The following L3MBTL3 variants were observed in gnomAD, a reference collection of about 807,000 sequenced individuals.
L3MBTL3 encodes L3MBTL histone methyl-lysine binding protein 3, also known as lethal(3)malignant brain tumor-like protein 3.
In L3MBTL3, 27 loss-of-function variants were observed where a neutral mutation model predicts 102.3. That is an observed-to-expected ratio of 0.26 (90% CI 0.19 to 0.36). The LOEUF is 0.36. Among genes scored for constraint, L3MBTL3 ranks in the 10% least tolerant of loss-of-function variants. L3MBTL3 has a pLI of 1.00. For synonymous variants in L3MBTL3, 340 were observed against 320.9 expected, an observed-to-expected ratio of 1.06 and a Z score of -0.64; for missense variants, 798 against 955.3, an observed-to-expected ratio of 0.84 and a Z score of 2.17.
chr6:130,019,293 C>A, intron 1 of L3MBTL3: 1 of 132,434 alleles, frequency 7.6e-6, no homozygotes, highest in South Asian at 2.4e-4. Flanking sequence ...GCGCGGCCGC[C>A]GAGGCGGGGG....
At chr6:130,048,863 G>A (rs1178906499) in intron 3 of L3MBTL3, among the ~76,000 whole-genome samples, 1 of 151,664 alleles carries the variant, frequency 6.6e-6, no homozygotes, top group East Asian at 1.9e-4. Flanking sequence ...TGATTCCTGG[G>A]AAAAGAGTAA....
At chr6:130,056,497 T>C (rs1781520207) in intron 8 of L3MBTL3, among the ~76,000 whole-genome samples, 1 of 152,164 alleles carries the variant, frequency 6.6e-6, no homozygotes, top group Non-Finnish European at 1.5e-5. Flanking sequence ...CCGGGGTGCA[T>C]TCTAGCCTTG....
chr6:130,049,703 G>A (rs751039906), intron 4 of L3MBTL3, 53 bp from the exon 5 acceptor site: 13 of 1,610,522 alleles, frequency 8.1e-6, no homozygotes, highest in South Asian at 4.4e-5. Flanking sequence ...CATCTACTCC[G>A]ATGGTTGTAA....
chr6:130,048,967 C>CACACACACATAT (rs71678245), intron 3 of L3MBTL3, among the ~76,000 whole-genome samples: 1 of 150,454 alleles, frequency 6.6e-6, no homozygotes, highest in South Asian at 2.1e-4. Context: ...CACACACACA[C>CACACACACATAT]ACATACACAC....
rs920598535 is a variant in L3MBTL3 at position 130,066,472 on chromosome 6, A to G, written c.984A>G (p.Lys328=). The change falls in exon 11 of 23, where the codon AAA becomes AAG. Residue 328 remains lysine (K), a synonymous_variant. Coordinates refer to ENST00000361794, the MANE Select transcript of L3MBTL3 (RefSeq NM_032438.4). ...PVGWCEKTGH[K]LHPPKGYKEE... ...GGTGGTGTGAGAAAACCGGCCACAA[A>G]CTCCATCCTCCAAAAGGTTTTGTCA... 6.2e-7 allele frequency: 1 copy of G among 1,609,902 alleles called. No individual in the cohort carries two copies. Among genetic ancestry groups the G allele is most frequent in the South Asian group, 1.1e-5 (1 of 90,198 alleles).
chr6:130,105,126 A>G (rs1018888214), intron 19 of L3MBTL3, among the ~76,000 whole-genome samples: 1 of 152,242 alleles, frequency 6.6e-6, no homozygotes, highest in Non-Finnish European at 1.5e-5. Context: ...TCTTTAAGCA[A>G]GTGATCCATT....
At chr6:130,087,006 T>A (rs1562298818) in intron 16 of L3MBTL3, among the ~76,000 whole-genome samples, 1 of 152,212 alleles carries the variant, frequency 6.6e-6, no homozygotes, top group Non-Finnish European at 1.5e-5. Flanking sequence ...GTATACATTG[T>A]TATCACTTTT....
intron 8 of L3MBTL3, among the ~76,000 whole-genome samples, chr6:130,055,700 TTCTCTCTC>T (rs371510182): frequency 1.5e-5 from 2 of 132,188 alleles, no homozygotes; most frequent in African/African-American, 2.8e-5. Context: ...CCCTCTCTCT[TTCTCTCTC>T]TCTCTCTCTC....
intron 18 of L3MBTL3, among the ~76,000 whole-genome samples, chr6:130,101,824 C>T (rs1196999743): frequency 6.6e-5 from 10 of 152,158 alleles, no homozygotes; most frequent in East Asian, 3.9e-4. Flanking sequence ...CACCTGCATC[C>T]ATGAACTCTG....
intron 18 of L3MBTL3, among the ~76,000 whole-genome samples, chr6:130,104,161 C>T (rs982209633): frequency 1.3e-5 from 2 of 152,120 alleles, no homozygotes; most frequent in African/African-American, 4.8e-5. Flanking sequence ...CAGAGGTAAT[C>T]CTTCAGTGAC....
chr6:130,139,097 GACTTA>G (rs556229656), intron 22 of L3MBTL3, among the ~76,000 whole-genome samples: 852 of 78,812 alleles, frequency 0.011, 10 homozygotes, highest in African/African-American at 0.037. Flanking sequence ...TGTGTGTAAA[GACTTA>G]ACTGTGGCCA....
At chr6:130,038,065 T>C (rs765507761) in intron 2 of L3MBTL3, among the ~76,000 whole-genome samples, 5 of 152,128 alleles carry the variant, frequency 3.3e-5, no homozygotes, top group Admixed American at 6.5e-5. Context: ...CTTAACATAA[T>C]GTCCTTCAGG....
chr6:130,019,742 C>T (rs1002784530), intron 1 of L3MBTL3, among the ~76,000 whole-genome samples: 1 of 151,524 alleles, frequency 6.6e-6, no homozygotes, highest in Admixed American at 6.6e-5. Context: ...TAGATCAGCT[C>T]CAATTTCCGC....
intron 20 of L3MBTL3, among the ~76,000 whole-genome samples, chr6:130,132,253 C>CAGAT (rs891289945): frequency 6.6e-6 from 1 of 152,052 alleles, no homozygotes; most frequent in East Asian, 1.9e-4. Flanking sequence ...AGAAAGAAGC[C>CAGAT]AGATACCCAA....
chr6:130,133,342 C>T lies in L3MBTL3; in HGVS notation c.1967-110C>T. The T allele has an allele frequency of 3.0e-6, 3 of 999,236 alleles. No homozygotes were observed. The highest frequency in any genetic ancestry group is 4.5e-6 in the Non-Finnish European group (3 of 665,904). The allele number at this position is 999,236 out of a possible 1,614,324, so 61.9% of individuals were successfully genotyped here. A position where few individuals can be genotyped will look rare whatever the true frequency, so the allele number is the denominator to read the frequency against. On this transcript the variant is annotated intron_variant, in intron 20 of 22. Transcript: ENST00000361794. This position sits in a 1 kb window ranked among gnomAD's most constrained non-coding sequence, Gnocchi z 4.9. ...TCAATAGTATAATGCTGAAAGGAAC[C>T]AATGCTTTAACCACTCCCACCTCCA...
intron 6 of L3MBTL3, among the ~76,000 whole-genome samples, chr6:130,052,049 A>G (rs1240923367): frequency 1.3e-5 from 2 of 151,992 alleles, no homozygotes; most frequent in African/African-American, 4.8e-5. Context: ...CTGGACATTT[A>G]TATTTTAGTG....
At chr6:130,124,970 CA>C (rs61490555) in intron 20 of L3MBTL3, among the ~76,000 whole-genome samples, 3,067 of 135,826 alleles carry the variant, frequency 0.023, 94 homozygotes, top group African/African-American at 0.075. Flanking sequence ...AACTCCATCT[CA>C]AAAAAAAAAA....
intron 20 of L3MBTL3, among the ~76,000 whole-genome samples, chr6:130,132,108 C>T (rs960923138): frequency 1.3e-5 from 2 of 152,110 alleles, no homozygotes; most frequent in African/African-American, 4.8e-5. Context: ...AAATTAAAAA[C>T]AACTCAGATG....
chr6:130,023,281 T>A (rs565604885), intron 2 of L3MBTL3, among the ~76,000 whole-genome samples: 2 of 152,364 alleles, frequency 1.3e-5, no homozygotes, highest in South Asian at 4.1e-4. Context: ...AACAGGAGTT[T>A]ATTGTCATTT....
Sources: allele counts gnomAD v4.1 joint callset (sites outside exome capture counted in the v4.1 genomes callset), GRCh38; gene constraint gnomAD v4.1.1; non-coding constraint Gnocchi (gnomAD v3.1); transcripts MANE v1.5; gene names NCBI Gene and HGNC (gene_info 2026-07-23, HGNC 2026-07-21).